Variants in INPP5A observed in about 807,000 individuals in gnomAD.
INPP5A encodes the protein inositol polyphosphate-5-phosphatase A.
In INPP5A, 14 loss-of-function variants were observed where a neutral mutation model predicts 65.2. That is an observed-to-expected ratio of 0.21 (90% CI 0.14 to 0.34). The LOEUF (loss-of-function observed/expected upper bound fraction) is 0.34. INPP5A is among the 10% of genes least tolerant of loss of function. INPP5A has a pLI of 1.00. For synonymous variants in INPP5A, 207 were observed against 208.3 expected (o/e 0.99, Z 0.05); for missense variants, 431 against 545.6 (o/e 0.79, Z 2.09).
chr10:132,708,876 C>G (rs775897667), intron 7 of INPP5A, among the ~76,000 whole-genome samples: 1 of 152,202 alleles, frequency 6.6e-6, no homozygotes, highest in Non-Finnish European at 1.5e-5. Flanking sequence ...AAACAGAAAC[C>G]TGTTATCTGC....
At chr10:132,763,905 G>A (rs574573182) in intron 11 of INPP5A, among the ~76,000 whole-genome samples, 18 of 152,386 alleles carry the variant, frequency 1.2e-4, no homozygotes, top group South Asian at 2.1e-4. Context: ...ACATAAACAC[G>A]CATGTGCAGA....
intron 8 of INPP5A, among the ~76,000 whole-genome samples, chr10:132,716,166 G>T (rs1379092967): frequency 6.6e-6 from 1 of 152,226 alleles, no homozygotes; most frequent in East Asian, 1.9e-4. Flanking sequence ...CACCCTGCAC[G>T]TTCTCCGCAT....
Position 132,587,419 on chromosome 10 carries a change from G to T in INPP5A, c.76-20496G>T, listed in dbSNP as rs2071558417. 6.6e-6 allele frequency among the ~76,000 whole-genome samples: 1 copy of T among 152,184 alleles called. No individual in the cohort carries two copies. Among genetic ancestry groups the T allele is most frequent in the Non-Finnish European group, 1.5e-5 (1 of 68,018 alleles). ...ATGGTGTGCTCTGTGGGGCTGGCAG[G>T]GATCCTGGCATGGCCTGTGTGATTC... On this transcript the variant is annotated intron_variant, in intron 1 of 15. Transcript: ENST00000368594. This position sits in a 1 kb window ranked among gnomAD's most constrained non-coding sequence, Gnocchi z 4.3.
intron 4 of INPP5A, among the ~76,000 whole-genome samples, chr10:132,689,031 GTGTTAA>G (rs1252385791): frequency 1.3e-5 from 2 of 150,414 alleles, no homozygotes; most frequent in Non-Finnish European, 1.5e-5. Context: ...GTGCATATAT[GTGTTAA>G]TGTTTGCAAG....
Position 132,698,006 on chromosome 10 carries a change from C to A in INPP5A, c.474+87C>A. 1 of 826,208 alleles carries A rather than the reference C, an allele frequency of 1.2e-6. No individual in the cohort carries two copies. The highest frequency in any genetic ancestry group is 1.5e-5 in the South Asian group (1 of 68,624). 51.2% of individuals were successfully genotyped at this position (826,208 alleles called of 1,614,324 possible). A position where few individuals can be genotyped will look rare whatever the true frequency, so the allele number is the denominator to read the frequency against. Reference sequence around the variant, plus strand: ...CATGGAACACGGAATTTTCGCATTGCACTGTTACTAGTCACAGCTGCCTGT... The same window carrying A: ...CATGGAACACGGAATTTTCGCATTGAACTGTTACTAGTCACAGCTGCCTGT... On this transcript the variant is annotated intron_variant, in intron 6 of 15. Transcript: ENST00000368594. The surrounding 1 kb of genome is among the most constrained non-coding windows in gnomAD (Gnocchi z 5.5).
chr10:132,554,059 G>C (rs2071091465), intron 1 of INPP5A, among the ~76,000 whole-genome samples: 1 of 151,722 alleles, frequency 6.6e-6, no homozygotes, highest in South Asian at 2.1e-4. Flanking sequence ...AGTAGGACAG[G>C]GAGGGAGGAC....
Position 132,559,363 on chromosome 10 carries a change from T to C in INPP5A, c.75+21192T>C, listed in dbSNP as rs545438550. 2.6e-5 allele frequency among the ~76,000 whole-genome samples: 4 copies of C among 152,330 alleles called. No individual in the cohort carries two copies. In the East Asian group the frequency reaches 7.7e-4, roughly 29 times the overall value. ...TATTGTTGTCGATATTACTTTTAAT[T>C]AGGACAAAATTCAGGCACCATAAAA... On this transcript the variant is annotated intron_variant, in intron 1 of 15. Coordinates refer to ENST00000368594, the MANE Select transcript of INPP5A (RefSeq NM_005539.5).
chr10:132,671,567 C>T (rs1468177121), intron 4 of INPP5A, among the ~76,000 whole-genome samples: 1 of 152,224 alleles, frequency 6.6e-6, no homozygotes, highest in African/African-American at 2.4e-5. Context: ...TCCTGCCATG[C>T]CTGTTGATCC....
intron 6 of INPP5A, among the ~76,000 whole-genome samples, chr10:132,700,108 T>C (rs1393268626): frequency 3.3e-5 from 5 of 152,160 alleles, no homozygotes; most frequent in Non-Finnish European, 7.4e-5. Context: ...CCGGTTTGTA[T>C]AGAAACCCCA....
chr10:132,595,286 T>A (rs2071671295), intron 1 of INPP5A, among the ~76,000 whole-genome samples: 1 of 152,374 alleles, frequency 6.6e-6, no homozygotes, highest in Non-Finnish European at 1.5e-5. Context: ...CCATGTGGGC[T>A]GCTCGCGCCG....
At chr10:132,624,819 C>A (rs978016820) in intron 2 of INPP5A, among the ~76,000 whole-genome samples, 1 of 152,112 alleles carries the variant, frequency 6.6e-6, no homozygotes, top group Non-Finnish European at 1.5e-5. Context: ...ACCCCACCCC[C>A]GCCCTGGCCT....
chr10:132,624,795 G>A (rs894691461), intron 2 of INPP5A, among the ~76,000 whole-genome samples: 1 of 152,014 alleles, frequency 6.6e-6, no homozygotes, highest in Non-Finnish European at 1.5e-5. Context: ...GGGCTTCTCC[G>A]TCCTCTGCTC....
intron 1 of INPP5A, among the ~76,000 whole-genome samples, chr10:132,568,911 ATTTTTT>A (rs1171904388): frequency 1.5e-5 from 2 of 129,050 alleles, no homozygotes; most frequent in African/African-American, 2.9e-5. Flanking sequence ...TCTTACCGGC[ATTTTTT>A]TTTTTTTTTT....
intron 4 of INPP5A, among the ~76,000 whole-genome samples, chr10:132,653,906 G>A (rs2072614910): frequency 1.3e-5 from 2 of 152,244 alleles, no homozygotes; most frequent in African/African-American, 4.8e-5. Context: ...CTCCCCTCAA[G>A]AAGCCGCTGT....
intron 11 of INPP5A, among the ~76,000 whole-genome samples, chr10:132,751,288 C>A (rs1350127413): frequency 1.3e-5 from 2 of 152,258 alleles, no homozygotes; most frequent in Non-Finnish European, 2.9e-5. Context: ...TCCTTTCCCC[C>A]ACTGGGGTCG....
Position 132,710,358 on chromosome 10 carries a change from C to T in INPP5A, c.549C>T (p.Ile183=). ...IADCAFDLVN[I]HLFHDASNLV... ...GCAGTGCCTTTGACTTGGTGAATAT[C>T]CATCTTTTCCATGATGCTTCCAATC... The change falls in exon 8 of 16, where the codon ATC becomes ATT. Residue 183 remains isoleucine, a synonymous_variant. Transcript: ENST00000368594. The T allele has an allele frequency of 6.2e-7, 1 of 1,614,150 alleles. No individual in the cohort carries two copies. The highest frequency in any genetic ancestry group is 1.3e-5 in the African/African-American group (1 of 75,062).
At chr10:132,720,357 G>T (rs1845845322) in intron 8 of INPP5A, among the ~76,000 whole-genome samples, 2 of 144,134 alleles carry the variant, frequency 1.4e-5, no homozygotes, top group South Asian at 2.2e-4. Context: ...TGTCTTCAGG[G>T]TTCTGTGGTA....
intron 5 of INPP5A, among the ~76,000 whole-genome samples, chr10:132,693,120 AT>A (rs1845295012): frequency 6.6e-6 from 1 of 152,254 alleles, no homozygotes; most frequent in Admixed American, 6.5e-5. Context: ...GTTATACATT[AT>A]ATTGCAAACT....
chr10:132,700,462 T>C (rs1383703676), intron 6 of INPP5A, among the ~76,000 whole-genome samples: 6 of 152,238 alleles, frequency 3.9e-5, no homozygotes, highest in African/African-American at 1.4e-4. Context: ...CGTTTCCTCT[T>C]CCCTGGTAAA....
Sources: gnomAD v4.1 joint callset for allele counts (sites outside exome capture counted in the v4.1 genomes callset) on GRCh38, gnomAD v4.1.1 for gene constraint, Gnocchi (gnomAD v3.1) non-coding constraint, MANE v1.5 for transcripts, NCBI Gene and HGNC (gene_info 2026-07-23, HGNC 2026-07-21) for gene names.